Variants in FBLN1 observed in about 807,000 individuals in gnomAD.
The protein encoded by FBLN1 is fibulin-1.
In FBLN1, 34 loss-of-function variants were observed where a neutral mutation model predicts 89.7. That is an observed-to-expected ratio of 0.38 (90% confidence interval 0.29 to 0.50). The LOEUF (loss-of-function observed/expected upper bound fraction) is 0.50. FBLN1 is among the 20% of genes least tolerant of loss of function. The pLI, the probability that FBLN1 is intolerant of heterozygous loss-of-function variation, is 0.92. For synonymous variants in FBLN1, 393 were observed against 391.3 expected (o/e 1.00, Z -0.05); for missense variants, 777 against 988.1 (o/e 0.79, Z 2.86).
Position 45,592,804 on chromosome 22 carries a change from CCT to C in FBLN1, c.1973-7498_1973-7497del, listed in dbSNP as rs1228514287. Among the ~76,000 whole-genome samples the C allele has an allele frequency of 2.6e-5, 4 of 152,298 alleles. No individual in the cohort carries two copies. The South Asian group carries it at 6.2e-4, about 24-fold the overall frequency. ...GTTTGGGTCTCCTCTGAGCTCCTGGCCTCTCTGTTTCAGCACCTTGTCCACAC... is the reference window on the plus strand; with the variant it reads ...GTTTGGGTCTCCTCTGAGCTCCTGGCCTCTGTTTCAGCACCTTGTCCACAC... On this transcript the variant is annotated intron_variant, in intron 16 of 16. Coordinates refer to ENST00000327858, the MANE Select transcript of FBLN1 (RefSeq NM_006486.3).
chr22:45,591,772 CGG>C (rs2089138456), intron 16 of FBLN1, among the ~76,000 whole-genome samples: 1 of 151,364 alleles, frequency 6.6e-6, no homozygotes, highest in South Asian at 2.1e-4. Context: ...GCAGTACAGT[CGG>C]GAAGTGTCCT....
chr22:45,576,811 C>T lies in FBLN1; in HGVS notation c.1841-166C>T, dbSNP rs1204854540. Among the ~76,000 whole-genome samples, 1 of 152,152 alleles carries T rather than the reference C, an allele frequency of 6.6e-6. No individual in the cohort carries two copies. Among genetic ancestry groups the T allele is most frequent in the East Asian group, 1.9e-4 (1 of 5,178 alleles). On this transcript the variant is annotated intron_variant, in intron 15 of 16. Transcript: ENST00000327858. This position sits in a 1 kb window ranked among gnomAD's most constrained non-coding sequence, Gnocchi z 5.2. ...GGCTATGATATAGGAAGGTCCAGAC[C>T]CCTCCACCCTCCCCACACAGGGGAT...
At chr22:45,533,644 C>T in intron 6 of FBLN1, 117 bp from the exon 7 acceptor site, 3 of 1,190,546 alleles carry the variant, frequency 2.5e-6, no homozygotes, top group Non-Finnish European at 3.7e-6. Flanking sequence ...GACCTGAGCT[C>T]AGTTTGCGAG....
intron 16 of FBLN1, among the ~76,000 whole-genome samples, chr22:45,599,510 G>A (rs548975517): frequency 1.3e-5 from 2 of 152,266 alleles, no homozygotes; most frequent in Non-Finnish European, 1.5e-5. Context: ...GAGAGGATAC[G>A]CCTGCTTCAT....
intron 1 of FBLN1, among the ~76,000 whole-genome samples, chr22:45,511,541 GGTT>G (rs2088101227): frequency 6.6e-6 from 1 of 151,284 alleles, no homozygotes; most frequent in Admixed American, 6.6e-5. Flanking sequence ...CTGCCTCCCG[GGTT>G]CAAGTGATTC....
In FBLN1 at chr22:45,550,826, T is replaced by C. The variant is rs1462059547; in HGVS notation, c.1697+211T>C. Reference sequence around the variant, plus strand: ...TCAAGGGGGTAACTGCAAATGAGTCTGGGGTCTATAGTCATGTTTTCAGGC... The same window carrying C: ...TCAAGGGGGTAACTGCAAATGAGTCCGGGGTCTATAGTCATGTTTTCAGGC... On this transcript the variant is annotated intron_variant, in intron 14 of 16. Transcript: ENST00000327858. The surrounding 1 kb of genome is among the most constrained non-coding windows in gnomAD (Gnocchi z 8.4). 2 of 672,724 alleles carry C rather than the reference T, an allele frequency of 3.0e-6. No individual in the cohort carries two copies. The highest frequency in any genetic ancestry group is 5.3e-6 in the Non-Finnish European group (2 of 380,264). The allele number at this position is 672,724 out of a possible 1,614,324, so 41.7% of individuals were successfully genotyped here.
intron 16 of FBLN1, among the ~76,000 whole-genome samples, chr22:45,582,233 A>G (rs930864689): frequency 6.6e-6 from 1 of 152,172 alleles, no homozygotes; most frequent in Non-Finnish European, 1.5e-5. Flanking sequence ...ACTAGCTGGT[A>G]TCTACACTGG....
chr22:45,540,913 GT>G (rs1411906571), intron 8 of FBLN1, among the ~76,000 whole-genome samples: 1 of 152,202 alleles, frequency 6.6e-6, no homozygotes, highest in Non-Finnish European at 1.5e-5. Flanking sequence ...CCTTAATACC[GT>G]GCCCAGTGTG....
At position 45,593,790 on chromosome 22, in the gene FBLN1, C is replaced by T. The variant is rs919728208; in HGVS notation, c.1973-6517C>T. Reference sequence around the variant, plus strand: ...GAGGCTTCAGGGACTGATTTTCCTTCTTCCTTCTCTCCTTCCTTCACTCTC... The same window carrying T: ...GAGGCTTCAGGGACTGATTTTCCTTTTTCCTTCTCTCCTTCCTTCACTCTC... On this transcript the variant is annotated intron_variant, in intron 16 of 16. Coordinates refer to ENST00000327858, the MANE Select transcript of FBLN1 (RefSeq NM_006486.3). 2.6e-5 allele frequency among the ~76,000 whole-genome samples: 4 copies of T among 152,224 alleles called. No individual in the cohort carries two copies. The South Asian group carries it at 8.3e-4, about 32-fold the overall frequency.
intron 14 of FBLN1, among the ~76,000 whole-genome samples, chr22:45,573,356 G>A (rs1172891809): frequency 2.6e-5 from 4 of 151,658 alleles, no homozygotes; most frequent in Non-Finnish European, 4.4e-5. Flanking sequence ...GTCTAGAGAC[G>A]CACACTGATG....
Position 45,531,398 on chromosome 22 carries a change from T to G in FBLN1, c.544+74T>G. 7.6e-7 allele frequency: 1 copy of G among 1,313,036 alleles called. No individual in the cohort carries two copies. Among genetic ancestry groups the G allele is most frequent in the Non-Finnish European group, 1.1e-6 (1 of 907,838 alleles). The allele number at this position is 1,313,036 out of a possible 1,614,324, so 81.3% of individuals were successfully genotyped here. On this transcript the variant is annotated intron_variant, in intron 5 of 16. Coordinates refer to ENST00000327858, the MANE Select transcript of FBLN1 (RefSeq NM_006486.3). This position sits in a 1 kb window ranked among gnomAD's most constrained non-coding sequence, Gnocchi z 4.9. ...GGGCCAGCAAGGTGGCTCAGGCCTG[T>G]AATCCTAGTACTTTGGGAAGCCAAG...
At chr22:45,505,602 C>T (rs6006758) in intron 1 of FBLN1, among the ~76,000 whole-genome samples, 1,602 of 152,254 alleles carry the variant, frequency 0.011, 36 homozygotes, top group African/African-American at 0.037. Context: ...GAGGGCTCCA[C>T]GGGCCTTGTG....
At chr22:45,546,559 A>G (rs2088631098) in intron 11 of FBLN1, among the ~76,000 whole-genome samples, 1 of 152,212 alleles carries the variant, frequency 6.6e-6, no homozygotes, top group Non-Finnish European at 1.5e-5. Context: ...AAGTGTTGGG[A>G]CAAATTTGGC....
chr22:45,600,308 T>A lies in FBLN1; in HGVS notation c.1974T>A (p.Gly658=). The change falls in exon 17 of 17, where the codon GGT becomes GGA. Residue 658 remains glycine, a splice_region_variant and synonymous_variant. Coordinates refer to ENST00000327858, the MANE Select transcript of FBLN1 (RefSeq NM_006486.3). ...IKRYMDGMTV[G]VVRQVRPIVG... is the part of the protein sequence containing the mutation. The stretch of plus-strand genomic sequence containing the variant: ...GCACACCTTCTGCTCTCTCCGCAGG[T>A]GTCGTGCGCCAGGTGCGGCCCATCG... 6.2e-7 allele frequency: 1 copy of A among 1,614,224 alleles called. No individual in the cohort carries two copies. The highest frequency in any genetic ancestry group is 8.5e-7 in the Non-Finnish European group (1 of 1,180,042).
chr22:45,520,335 G>C (rs1423248508), intron 2 of FBLN1, among the ~76,000 whole-genome samples: 1 of 152,222 alleles, frequency 6.6e-6, no homozygotes, highest in Admixed American at 6.5e-5. Context: ...CTGAGACCGA[G>C]GTGTCAGCAG....
At chr22:45,598,215 C>A (rs1347360906) in intron 16 of FBLN1, among the ~76,000 whole-genome samples, 1 of 152,242 alleles carries the variant, frequency 6.6e-6, no homozygotes, top group Non-Finnish European at 1.5e-5. Context: ...TGCCAGCTCA[C>A]ACCGTTCACA....
In FBLN1 at chr22:45,550,295, ACT is replaced by A. The variant is rs1356823101; in HGVS notation, c.1574-194_1574-193del. ...CAGGGATTGCGAATGATAAGTTAACACTCTATAAATGTAAATACCCTATAAAT... is the reference window on the plus strand; with the variant it reads ...CAGGGATTGCGAATGATAAGTTAACACTATAAATGTAAATACCCTATAAAT... On this transcript the variant is annotated intron_variant, in intron 13 of 16. Transcript: ENST00000327858. The surrounding 1 kb of genome is among the most constrained non-coding windows in gnomAD (Gnocchi z 8.4). Among the ~76,000 whole-genome samples, 5 of 152,158 alleles carry A rather than the reference ACT, an allele frequency of 3.3e-5. No individual in the cohort carries two copies. The highest frequency in any genetic ancestry group is 6.5e-5 in the Admixed American group (1 of 15,270).
At chr22:45,540,711 A>C (rs2088544369) in intron 8 of FBLN1, among the ~76,000 whole-genome samples, 1 of 152,186 alleles carries the variant, frequency 6.6e-6, no homozygotes, top group Non-Finnish European at 1.5e-5. Context: ...TCAAAGGTAA[A>C]TGCCCCACGG....
chr22:45,593,262 G>A (rs2089155108), intron 16 of FBLN1, among the ~76,000 whole-genome samples: 1 of 151,318 alleles, frequency 6.6e-6, no homozygotes, highest in Admixed American at 6.6e-5. Flanking sequence ...AGATGGGGCC[G>A]AGAATGTGGA....
Sources: gnomAD v4.1 joint callset for allele counts (sites outside exome capture counted in the v4.1 genomes callset) on GRCh38, gnomAD v4.1.1 for gene constraint, Gnocchi (gnomAD v3.1) non-coding constraint, MANE v1.5 for transcripts, NCBI Gene and HGNC (gene_info 2026-07-23, HGNC 2026-07-21) for gene names.